Variants in LARGE1 observed in about 807,000 individuals in gnomAD.
LARGE1 encodes the protein xylosyl- and glucuronyltransferase LARGE1.
LARGE1 carries 43 observed loss-of-function variants against 87.6 expected under a neutral mutation model. The ratio of observed to expected loss-of-function variants is 0.49; its 90% CI spans 0.38 to 0.63. The LOEUF (loss-of-function observed/expected upper bound fraction) is 0.63, where lower values mean the gene tolerates loss of function less well. Ranked by LOEUF, LARGE1 falls within the 30% of genes least tolerant of loss-of-function variation. The probability of loss-of-function intolerance (pLI) is 0.00; values close to 1 mark genes in which losing one functional copy is unlikely to be tolerated. For synonymous variants in LARGE1, 434 were observed against 394.6 expected (o/e 1.10, Z -1.18); for missense variants, 802 against 1,000.2 (o/e 0.80, Z 2.67).
chr22:33,534,041 G>A (rs2076971815), intron 6 of LARGE1, among the ~76,000 whole-genome samples: 2 of 151,908 alleles, frequency 1.3e-5, no homozygotes, highest in Non-Finnish European at 1.5e-5. Flanking sequence ...GCGGATGAGT[G>A]AGGCATTAAA....
intron 7 of LARGE1, among the ~76,000 whole-genome samples, chr22:33,429,163 C>T (rs569029897): frequency 2.0e-5 from 3 of 152,030 alleles, no homozygotes; most frequent in Non-Finnish European, 2.9e-5. Context: ...TCTCCAGGGT[C>T]GTCCTCAGTT....
At chr22:33,821,524 A>T (rs1037140312) in intron 1 of LARGE1, among the ~76,000 whole-genome samples, 2 of 152,164 alleles carry the variant, frequency 1.3e-5, no homozygotes, top group African/African-American at 2.4e-5. Context: ...GATGGTAAGG[A>T]TGTCCAAGAA....
chr22:33,829,371 G>A (rs12053767), intron 1 of LARGE1, among the ~76,000 whole-genome samples: 29,499 of 151,690 alleles, frequency 0.19, 3,597 homozygotes, highest in African/African-American at 0.35. Flanking sequence ...GAGAGCCTCT[G>A]ACCCCACTAC....
chr22:33,795,361 T>C (rs1227328290), intron 1 of LARGE1, among the ~76,000 whole-genome samples: 1 of 152,194 alleles, frequency 6.6e-6, no homozygotes, highest in Non-Finnish European at 1.5e-5. Flanking sequence ...GCAAATAACT[T>C]GATCCTTGCA....
intron 11 of LARGE1, among the ~76,000 whole-genome samples, chr22:33,191,239 G>C (rs1030429265): frequency 1.3e-5 from 2 of 152,052 alleles, no homozygotes; most frequent in Non-Finnish European, 2.9e-5. Flanking sequence ...TATGATGATG[G>C]AAACAGATAC....
the LARGE1 span, among the ~76,000 whole-genome samples, chr22:33,083,944 C>G: frequency 0.27 from 40,605 of 152,008 alleles, 5,804 homozygotes; most frequent in Admixed American, 0.35. Context: ...TTAGCACAAT[C>G]TACCAGGCCC....
intron 11 of LARGE1, among the ~76,000 whole-genome samples, chr22:33,237,376 C>T (rs1926303682): frequency 6.6e-6 from 1 of 151,878 alleles, no homozygotes; most frequent in South Asian, 2.1e-4. Flanking sequence ...TGGTTCTGTC[C>T]TCTTAACCTA....
At chr22:33,861,401 A>C (rs999786262) in intron 1 of LARGE1, among the ~76,000 whole-genome samples, 2 of 148,956 alleles carry the variant, frequency 1.3e-5, no homozygotes, top group Admixed American at 6.7e-5. Flanking sequence ...CACACACACA[A>C]ACACACACAC....
chr22:33,320,622 A>G (rs538556118), intron 10 of LARGE1, among the ~76,000 whole-genome samples: 3 of 152,230 alleles, frequency 2.0e-5, no homozygotes, highest in Non-Finnish European at 4.4e-5. Flanking sequence ...GCTGTATACA[A>G]AAAACCTGTA....
rs1449894879 is a variant in LARGE1, at chr22:33,505,247, C to G, written c.787+59601G>C. Among the ~76,000 whole-genome samples, 3 of 152,222 alleles carry G rather than the reference C, an allele frequency of 2.0e-5. No individual in the cohort carries two copies. In the East Asian group the frequency reaches 5.8e-4, roughly 29 times the overall value. ...GACCACGATTAGTGGAATAGAGCGG[C>G]CTGCTAGAGCAGACATCCATCCTGT... On this transcript the variant is annotated intron_variant, in intron 6 of 14. Coordinates refer to ENST00000397394, the MANE Select transcript of LARGE1 (RefSeq NM_133642.5).
chr22:33,161,675 T>G (rs1288564397), downstream of LARGE1, among the ~76,000 whole-genome samples: 1 of 152,222 alleles, frequency 6.6e-6, no homozygotes, highest in African/African-American at 2.4e-5. Flanking sequence ...TTCCATGTCT[T>G]ACATTGTGGT....
At chr22:33,386,932 T>C (rs2065344306) in intron 7 of LARGE1, among the ~76,000 whole-genome samples, 2 of 145,228 alleles carry the variant, frequency 1.4e-5, no homozygotes, top group African/African-American at 2.5e-5. Context: ...TGAAACCCCG[T>C]CTCTACTAAA....
At chr22:33,417,987 G>A (rs772732195) in intron 7 of LARGE1, among the ~76,000 whole-genome samples, 7 of 151,882 alleles carry the variant, frequency 4.6e-5, no homozygotes, top group South Asian at 2.1e-4. Flanking sequence ...TCGCTCTGTC[G>A]CCCAGGCTGG....
At chr22:33,584,490 G>A (rs1428708532) in intron 5 of LARGE1, among the ~76,000 whole-genome samples, 1 of 152,198 alleles carries the variant, frequency 6.6e-6, no homozygotes, top group Non-Finnish European at 1.5e-5. Flanking sequence ...AATTCTTGGA[G>A]AAGACATGAG....
intron 1 of LARGE1, among the ~76,000 whole-genome samples, chr22:33,825,065 T>G (rs1257704098): frequency 2.0e-5 from 3 of 152,162 alleles, no homozygotes; most frequent in Non-Finnish European, 4.4e-5. Flanking sequence ...ATGCTATGAT[T>G]TGTCATTCCA....
At chr22:33,275,971 A>T (rs537234789) in intron 14 of LARGE1, among the ~76,000 whole-genome samples, 1 of 152,308 alleles carries the variant, frequency 6.6e-6, no homozygotes, top group East Asian at 1.9e-4. Flanking sequence ...TCTGTTGTTA[A>T]ATATGGACAT....
Position 33,364,863 on chromosome 22 carries a change from T to C in LARGE1, c.1131+17056A>G, listed in dbSNP as rs544524615. Among the ~76,000 whole-genome samples, 3 of 150,122 alleles carry C rather than the reference T, an allele frequency of 2.0e-5. No individual in the cohort carries two copies. The South Asian group carries it at 6.6e-4, about 33-fold the overall frequency. The stretch of plus-strand genomic sequence containing the variant: ...AGGCACATGCCACCATGCCGGCTAA[T>C]TTTTTATTTTTTGTAGAGACGGGGG... On this transcript the variant is annotated intron_variant, in intron 9 of 14. Coordinates refer to ENST00000397394, the MANE Select transcript of LARGE1 (RefSeq NM_133642.5).
At chr22:33,080,687 A>T in the LARGE1 span, among the ~76,000 whole-genome samples, 1 of 152,186 alleles carries the variant, frequency 6.6e-6, no homozygotes. Context: ...GCAGATGAGG[A>T]CACTGAAGAA....
At chr22:33,575,065 A>T (rs1308870227) in intron 5 of LARGE1, among the ~76,000 whole-genome samples, 1 of 152,186 alleles carries the variant, frequency 6.6e-6, no homozygotes, top group African/African-American at 2.4e-5. Flanking sequence ...GTTACAATTC[A>T]TTAGATTTGT....
Sources: gnomAD v4.1 joint callset for allele counts (sites outside exome capture counted in the v4.1 genomes callset) on GRCh38, gnomAD v4.1.1 for gene constraint, MANE v1.5 for transcripts, NCBI Gene and HGNC (gene_info 2026-07-23, HGNC 2026-07-21) for gene names.